Variants in PARVA observed in about 807,000 individuals in gnomAD.
PARVA encodes the protein alpha-parvin.
Under a neutral mutation model 52.6 loss-of-function variants are expected in PARVA, and 25 were observed. That is an observed-to-expected ratio of 0.48 (90% CI 0.35 to 0.66). The LOEUF (loss-of-function observed/expected upper bound fraction) is 0.66, where lower values mean the gene tolerates loss of function less well. PARVA is among the 30% of genes least tolerant of loss of function. The pLI, the probability that PARVA is intolerant of heterozygous loss-of-function variation, is 0.01. For synonymous variants in PARVA, 185 were observed against 179.1 expected (o/e 1.03, Z -0.26); for missense variants, 373 against 450.9 (o/e 0.83, Z 1.56).
chr11:12,387,328 T>G (rs1939586981), intron 1 of PARVA, among the ~76,000 whole-genome samples: 1 of 152,100 alleles, frequency 6.6e-6, no homozygotes, highest in Non-Finnish European at 1.5e-5. Flanking sequence ...TTCTTTTCTG[T>G]TTTTTCTGCA....
intron 1 of PARVA, among the ~76,000 whole-genome samples, chr11:12,439,713 C>G (rs79225726): frequency 1.3e-4 from 20 of 152,184 alleles, no homozygotes; most frequent in African/African-American, 4.8e-4. Context: ...ACCCCACTTC[C>G]TATCCTCCTC....
chr11:12,444,026 C>T (rs1940508908), intron 1 of PARVA, among the ~76,000 whole-genome samples: 1 of 152,174 alleles, frequency 6.6e-6, no homozygotes, highest in South Asian at 2.1e-4. Flanking sequence ...TGAGCTGAAT[C>T]TTGAGGTCCT....
chr11:12,393,471 C>A (rs1047868379), intron 1 of PARVA, among the ~76,000 whole-genome samples: 1 of 152,122 alleles, frequency 6.6e-6, no homozygotes, highest in Non-Finnish European at 1.5e-5. Context: ...GCTTACAGCA[C>A]AACCTGGTGG....
intron 1 of PARVA, among the ~76,000 whole-genome samples, chr11:12,418,835 A>G (rs1191351530): frequency 1.3e-5 from 2 of 152,220 alleles, no homozygotes; most frequent in African/African-American, 4.8e-5. Context: ...CCCTGTAACA[A>G]TAATAACCAT....
In PARVA at chr11:12,528,014, G is replaced by C; in HGVS notation, c.*89G>C. 1 of 911,124 alleles carries C rather than the reference G, an allele frequency of 1.1e-6. No homozygotes were observed. Among genetic ancestry groups the C allele is most frequent in the South Asian group, 1.3e-5 (1 of 76,190 alleles). 56.4% of individuals were successfully genotyped at this position (911,124 alleles called of 1,614,324 possible). On this transcript the variant is annotated 3_prime_UTR_variant, in exon 13 of 13. Transcript: ENST00000334956. ...GAACTGCCTTACCCTGCTTATTCCTGTCTCTTGCACTGTGCTCTCCCACAA... is the reference window on the plus strand; with the variant it reads ...GAACTGCCTTACCCTGCTTATTCCTCTCTCTTGCACTGTGCTCTCCCACAA...
At chr11:12,408,663 A>AAGC (rs1939948747) in intron 1 of PARVA, among the ~76,000 whole-genome samples, 1 of 152,100 alleles carries the variant, frequency 6.6e-6, no homozygotes, top group Admixed American at 6.5e-5. Flanking sequence ...TCACTTAACA[A>AAGC]ATATTTCTTA....
chr11:12,504,774 G>GGTGGGTGTGTGTGT (rs113830304), intron 6 of PARVA, among the ~76,000 whole-genome samples: 1 of 149,240 alleles, frequency 6.7e-6, no homozygotes, highest in Admixed American at 6.7e-5. Flanking sequence ...AAGGTATGTG[G>GGTGGGTGTGTGTGT]GTGTGTGTGT....
intron 4 of PARVA, among the ~76,000 whole-genome samples, chr11:12,494,700 T>C (rs749322082): frequency 1.3e-5 from 2 of 151,988 alleles, no homozygotes; most frequent in South Asian, 2.1e-4. Flanking sequence ...GAAAAAGTTA[T>C]TGACCTAGAA....
At chr11:12,414,619 A>G (rs2134978023) in intron 1 of PARVA, among the ~76,000 whole-genome samples, 1 of 147,564 alleles carries the variant, frequency 6.8e-6, no homozygotes, top group Non-Finnish European at 1.5e-5. Flanking sequence ...TTCTTGTCTT[A>G]TGGCTGCTGA....
intron 1 of PARVA, among the ~76,000 whole-genome samples, chr11:12,430,292 G>T (rs1564845032): frequency 6.6e-6 from 1 of 152,156 alleles, no homozygotes; most frequent in Non-Finnish European, 1.5e-5. Context: ...ACCTTTCTCA[G>T]TATAATTTAC....
chr11:12,507,216 G>A (rs1298842225), intron 6 of PARVA, among the ~76,000 whole-genome samples: 2 of 152,196 alleles, frequency 1.3e-5, no homozygotes, highest in African/African-American at 4.8e-5. Flanking sequence ...GCTCGAGAAG[G>A]CAGGGCTCAG....
chr11:12,514,590 C>G (rs553414744), intron 10 of PARVA, among the ~76,000 whole-genome samples: 2 of 152,290 alleles, frequency 1.3e-5, no homozygotes, highest in Admixed American at 1.3e-4. Flanking sequence ...CAGGTTCAAG[C>G]GATTCTCCTG....
At chr11:12,430,746 T>C (rs116759214) in intron 1 of PARVA, among the ~76,000 whole-genome samples, 332 of 152,360 alleles carry the variant, frequency 2.2e-3, no homozygotes, top group African/African-American at 7.6e-3. Context: ...AGGATAGTTA[T>C]AGACATATCA....
At chr11:12,391,850 C>CT (rs1031977412) in intron 1 of PARVA, among the ~76,000 whole-genome samples, 18 of 152,252 alleles carry the variant, frequency 1.2e-4, no homozygotes, top group African/African-American at 4.3e-4. Flanking sequence ...GGAGTGGGCA[C>CT]TTTTTTAATA....
intron 1 of PARVA, among the ~76,000 whole-genome samples, chr11:12,471,562 G>C (rs12289508): frequency 0.39 from 58,843 of 150,592 alleles, 11,627 homozygotes; most frequent in East Asian, 0.49. Flanking sequence ...GCAGCGACGT[G>C]GATGGAGCTG....
In PARVA at chr11:12,433,167, AT is replaced by A. The variant is rs949191946; in HGVS notation, c.137-40573del. Among the ~76,000 whole-genome samples, 10 of 152,262 alleles carry A rather than the reference AT, an allele frequency of 6.6e-5. No individual in the cohort carries two copies. In the South Asian group the frequency reaches 8.3e-4, roughly 13 times the overall value. On this transcript the variant is annotated intron_variant, in intron 1 of 12. Coordinates refer to ENST00000334956, the MANE Select transcript of PARVA (RefSeq NM_018222.5). ...CACCTCACAAGGGAGGCCAAGTTTC[AT>A]TTTTGCGACGACCTTACCCAGCTGA... is the stretch of plus-strand genomic sequence containing the variant.
chr11:12,460,402 T>C (rs1940760785), intron 1 of PARVA, among the ~76,000 whole-genome samples: 1 of 152,178 alleles, frequency 6.6e-6, no homozygotes, highest in African/African-American at 2.4e-5. Context: ...CATTGGATTG[T>C]TGCAAAGATT....
chr11:12,403,670 T>C (rs1939861198), intron 1 of PARVA, among the ~76,000 whole-genome samples: 2 of 152,204 alleles, frequency 1.3e-5, no homozygotes, highest in African/African-American at 2.4e-5. Flanking sequence ...TCTTAGAAAA[T>C]ATAGGAAAGG....
chr11:12,475,869 G>A (rs1418109728), intron 3 of PARVA, among the ~76,000 whole-genome samples: 1 of 152,180 alleles, frequency 6.6e-6, no homozygotes, highest in Non-Finnish European at 1.5e-5. Flanking sequence ...ATCCATAGAT[G>A]ACTGCCCCTG....
Sources: gnomAD v4.1 joint callset for allele counts (sites outside exome capture counted in the v4.1 genomes callset) on GRCh38, gnomAD v4.1.1 for gene constraint, MANE v1.5 for transcripts, NCBI Gene and HGNC (gene_info 2026-07-23, HGNC 2026-07-21) for gene names.